Variants in PIK3C3 observed in about 807,000 individuals in gnomAD.
PIK3C3 encodes the protein phosphatidylinositol 3-kinase catalytic subunit type 3, also known as PI3-kinase type 3.
In PIK3C3, 95 loss-of-function variants were observed where a neutral mutation model predicts 126.1. That is an observed-to-expected ratio of 0.75 (90% CI 0.64 to 0.89). The LOEUF (loss-of-function observed/expected upper bound fraction) is 0.89, where lower values mean the gene tolerates loss of function less well. Ranked by LOEUF, PIK3C3 falls within the 40% of genes least tolerant of loss-of-function variation. The pLI is 0.00. For synonymous variants in PIK3C3, 374 were observed against 360.0 expected (o/e 1.04, Z -0.44); for missense variants, 829 against 1,063.2 (o/e 0.78, Z 3.06).
At chr18:42,049,272 G>T in intron 20 of PIK3C3, 1 of 301,710 alleles carries the variant, frequency 3.3e-6, no homozygotes, top group Non-Finnish European at 6.1e-6. Context: ...TATAATTTAA[G>T]GTCTCCTGAA....
At chr18:42,059,685 T>A (rs1317245119) in intron 22 of PIK3C3, 1 of 152,258 alleles carries the variant, frequency 6.6e-6, no homozygotes, top group South Asian at 2.1e-4. Flanking sequence ...TCTAAATAAT[T>A]TTATGCAGAG....
At chr18:41,993,538 G>A (rs1470867283) in intron 7 of PIK3C3, among the ~76,000 whole-genome samples, 197 bp downstream of exon 7, 3 of 152,044 alleles carry the variant, frequency 2.0e-5, no homozygotes, top group Non-Finnish European at 4.4e-5. Flanking sequence ...TAAAACTAAG[G>A]TAAGGGTAGA....
At chr18:41,975,812 G>A (rs1355182750) in intron 4 of PIK3C3, among the ~76,000 whole-genome samples, 1 of 150,666 alleles carries the variant, frequency 6.6e-6, no homozygotes, top group Admixed American at 6.7e-5. Flanking sequence ...CCATTCTCCT[G>A]CCTCAGCCTC....
At chr18:42,054,799 C>T (rs1356503984) in intron 21 of PIK3C3, among the ~76,000 whole-genome samples, 1 of 152,024 alleles carries the variant, frequency 6.6e-6, no homozygotes, top group Non-Finnish European at 1.5e-5. Flanking sequence ...GAACCTCTCT[C>T]CTAGTGGTGC....
At chr18:41,963,740 G>T (rs1240099967) in intron 3 of PIK3C3, among the ~76,000 whole-genome samples, 2 of 151,420 alleles carry the variant, frequency 1.3e-5, no homozygotes, top group East Asian at 1.9e-4. Flanking sequence ...TTGACTATTT[G>T]TGTTTATGTT....
intron 4 of PIK3C3, 146 bp downstream of exon 4, chr18:41,970,602 T>A: frequency 1.3e-6 from 1 of 749,578 alleles, no homozygotes; most frequent in Non-Finnish European, 2.3e-6. Context: ...ATAATTCACA[T>A]ACCATAAAGT....
intron 2 of PIK3C3, among the ~76,000 whole-genome samples, chr18:41,962,055 T>C (rs2144294204): frequency 6.6e-6 from 1 of 152,288 alleles, no homozygotes; most frequent in Non-Finnish European, 1.5e-5. Flanking sequence ...TTTGTTTTGA[T>C]TGTTTTTTTT....
chr18:42,045,596 A>C (rs938255635), intron 20 of PIK3C3, among the ~76,000 whole-genome samples: 3 of 152,180 alleles, frequency 2.0e-5, no homozygotes, highest in Non-Finnish European at 1.5e-5. Flanking sequence ...GGAAAATACT[A>C]GTTTCTGAAG....
Position 42,054,169 on chromosome 18 carries a change from T to G in PIK3C3, c.2264-3714T>G, listed in dbSNP as rs1254497662. Among the ~76,000 whole-genome samples, 23 of 45,574 alleles carry G rather than the reference T, an allele frequency of 5.0e-4. 1 individual carries two copies. The highest frequency in any genetic ancestry group is 7.8e-4 in the Non-Finnish European group (18 of 22,962). The allele number at this position is 45,574 out of a possible 152,430, so 29.9% of individuals were successfully genotyped here. On this transcript the variant is annotated intron_variant, in intron 21 of 24. Transcript: ENST00000262039. ...ATATATATATATATATATATATATA[T>G]ATATATATATATATATATATATAAA...
At chr18:42,053,205 T>C (rs1395658747) in intron 21 of PIK3C3, among the ~76,000 whole-genome samples, 2 of 152,188 alleles carry the variant, frequency 1.3e-5, no homozygotes, top group African/African-American at 2.4e-5. Flanking sequence ...ACTCTGGGCA[T>C]GTGAAAGAAA....
In PIK3C3 at chr18:42,007,346, CT is replaced by C. The variant is rs1168740615; in HGVS notation, c.1170+2813del. 5.9e-5 allele frequency among the ~76,000 whole-genome samples: 9 copies of C among 151,670 alleles called. No homozygotes were observed. In the South Asian group the frequency reaches 6.2e-4, roughly 11 times the overall value. ...GACTAGACAAAGCTTTTCTTCTTTC[CT>C]TTTTTTTATAATTTTATTTACAGTT... On this transcript the variant is annotated intron_variant, in intron 10 of 24. Transcript: ENST00000262039.
At chr18:42,024,483 T>A (rs955219490) in intron 13 of PIK3C3, among the ~76,000 whole-genome samples, 4 of 152,098 alleles carry the variant, frequency 2.6e-5, no homozygotes, top group African/African-American at 7.2e-5. Context: ...TTGCCCAGGC[T>A]GGAGTGCAAT....
intron 12 of PIK3C3, among the ~76,000 whole-genome samples, chr18:42,019,505 A>G (rs1983227549): frequency 6.6e-6 from 1 of 152,118 alleles, no homozygotes; most frequent in Non-Finnish European, 1.5e-5. Flanking sequence ...TTCTTCTTGA[A>G]AAACTAACTC....
intron 6 of PIK3C3, among the ~76,000 whole-genome samples, chr18:41,990,824 G>A (rs1981738630): frequency 2.0e-5 from 3 of 152,082 alleles, no homozygotes; most frequent in South Asian, 4.1e-4. Flanking sequence ...CTGCAAATTG[G>A]CAAGTAGGAC....
intron 9 of PIK3C3, 91 bp downstream of exon 9, chr18:41,996,821 T>C (rs1176422753): frequency 9.9e-6 from 7 of 708,676 alleles, no homozygotes; most frequent in Non-Finnish European, 1.4e-5. Flanking sequence ...GAAATTGTTA[T>C]TGTCACTTTA....
intron 10 of PIK3C3, 132 bp from the exon 11 acceptor site, chr18:42,013,310 C>T (rs1389573330): frequency 1.4e-5 from 8 of 580,470 alleles, no homozygotes; most frequent in South Asian, 9.7e-5. Context: ...AATTTGGTGA[C>T]GTGCCAAAAG....
At chr18:41,999,415 G>T (rs1040269968) in intron 9 of PIK3C3, among the ~76,000 whole-genome samples, 2 of 152,152 alleles carry the variant, frequency 1.3e-5, no homozygotes, top group African/African-American at 4.8e-5. Flanking sequence ...GAAGAGTCAT[G>T]TATAGTGAAG....
chr18:42,022,280 C>A (rs1306521718), intron 13 of PIK3C3, among the ~76,000 whole-genome samples: 4 of 152,182 alleles, frequency 2.6e-5, no homozygotes, highest in African/African-American at 9.7e-5. Context: ...CCAGTGCTAT[C>A]CCTGCCCCCA....
rs778075512 is a variant in PIK3C3 at position 42,027,469 on chromosome 18, A to C, written c.1511A>C (p.Gln504Pro). Residue 504 changes from glutamine (Q) to proline (P), a missense_variant, in exon 14 of 25, where the codon CAA (glutamine) becomes CCA (proline). Transcript: ENST00000262039. ...YWYVIVECED[Q>P]DTQQRDPKTH... ...TATGTGATAGTGGAATGTGAAGATC[A>C]AGATACTCAGCAGAGAGATCCAAAG... 3.1e-6 allele frequency: 5 copies of C among 1,606,984 alleles called. No individual in the cohort carries two copies. The African/African-American group carries it at 6.7e-5, about 22-fold the overall frequency.
Sources: allele counts gnomAD v4.1 joint callset (sites outside exome capture counted in the v4.1 genomes callset), GRCh38; gene constraint gnomAD v4.1.1; transcripts MANE v1.5; gene names NCBI Gene and HGNC (gene_info 2026-07-23, HGNC 2026-07-21).